Variants in CCDC102B observed in about 807,000 individuals in gnomAD.
CCDC102B encodes the protein coiled-coil domain-containing protein 102B.
In CCDC102B, 75 loss-of-function variants were observed where a neutral mutation model predicts 57.4. The ratio of observed to expected loss-of-function variants is 1.31; its 90% CI spans 1.08 to 1.58. The LOEUF (loss-of-function observed/expected upper bound fraction) is 1.58, where lower values mean the gene tolerates loss of function less well. Ranked by LOEUF, CCDC102B falls within the 40% of genes most tolerant of loss-of-function variation. CCDC102B has a pLI of 0.00. For synonymous variants in CCDC102B, 206 were observed against 201.9 expected, an observed-to-expected ratio of 1.02 and a Z score of -0.17; for missense variants, 636 against 582.6, an observed-to-expected ratio of 1.09 and a Z score of -0.94.
At chr18:68,853,934 G>A (rs2038261171) in intron 4 of CCDC102B, among the ~76,000 whole-genome samples, 1 of 152,086 alleles carries the variant, frequency 6.6e-6, no homozygotes, top group Non-Finnish European at 1.5e-5. Flanking sequence ...GACAAGAGAT[G>A]TGCCCTGAGA....
At chr18:68,977,237 G>A (rs2145279246) in intron 6 of CCDC102B, among the ~76,000 whole-genome samples, 1 of 152,020 alleles carries the variant, frequency 6.6e-6, no homozygotes, top group South Asian at 2.1e-4. Flanking sequence ...GGGTTAGCTT[G>A]TTTACACTTC....
chr18:68,802,130 T>A (rs2035877369), intron 1 of CCDC102B, among the ~76,000 whole-genome samples: 1 of 150,228 alleles, frequency 6.7e-6, no homozygotes, highest in South Asian at 2.1e-4. Flanking sequence ...TAGAAGGTTC[T>A]GGTTATAACC....
chr18:68,732,401 A>C (rs2145204974), intron 2 of CCDC102B, among the ~76,000 whole-genome samples: 1 of 150,842 alleles, frequency 6.6e-6, no homozygotes, highest in East Asian at 2.0e-4. Flanking sequence ...GCTGGAGTGC[A>C]GTGGCGTGAT....
intron 7 of CCDC102B, among the ~76,000 whole-genome samples, chr18:69,013,840 C>A (rs1454880026): frequency 1.3e-5 from 2 of 152,088 alleles, no homozygotes; most frequent in African/African-American, 4.8e-5. Context: ...GTTGTAAGAC[C>A]ACCTGATTTC....
In CCDC102B at chr18:68,799,873, G is replaced by GA. The variant is rs1452852063; in HGVS notation, c.-16+1697dup. The stretch of plus-strand genomic sequence containing the variant: ...ACGTTGTACTCAATACATAGAACAG[G>GA]AAAAATTGATAGAGCATCTTAACAT... On this transcript the variant is annotated intron_variant, in intron 1 of 7. Coordinates refer to ENST00000360242, the MANE Select transcript of CCDC102B (RefSeq NM_024781.3). Among the ~76,000 whole-genome samples the GA allele has an allele frequency of 2.0e-5, 3 of 151,970 alleles. 1 individual carries two copies. Among genetic ancestry groups the GA allele is most frequent in the Admixed American group, 2.0e-4 (3 of 15,266 alleles).
intron 2 of CCDC102B, among the ~76,000 whole-genome samples, chr18:68,780,099 TAA>T (rs2034956325): frequency 6.6e-6 from 1 of 152,158 alleles, no homozygotes; most frequent in Admixed American, 6.6e-5. Flanking sequence ...ACATTCTATA[TAA>T]ATGAATTATA....
At chr18:68,899,417 C>T (rs926305287) in intron 6 of CCDC102B, among the ~76,000 whole-genome samples, 1 of 151,062 alleles carries the variant, frequency 6.6e-6, no homozygotes, top group African/African-American at 2.4e-5. Flanking sequence ...TAGATGAATA[C>T]CATGGTGCTA....
chr18:68,994,943 A>G (rs553546118), intron 6 of CCDC102B, among the ~76,000 whole-genome samples: 1 of 152,322 alleles, frequency 6.6e-6, no homozygotes, highest in Non-Finnish European at 1.5e-5. Flanking sequence ...GGCTTAGAAG[A>G]AGACAGGAAA....
intron 4 of CCDC102B, among the ~76,000 whole-genome samples, chr18:68,856,184 C>T (rs903147794): frequency 6.6e-6 from 1 of 151,978 alleles, no homozygotes; most frequent in Non-Finnish European, 1.5e-5. Flanking sequence ...CAGTAATTAT[C>T]GTACAGCTTT....
At chr18:68,741,449 G>A (rs1454045397) in intron 2 of CCDC102B, among the ~76,000 whole-genome samples, 1 of 152,114 alleles carries the variant, frequency 6.6e-6, no homozygotes, top group African/African-American at 2.4e-5. Context: ...GTGCAATTCT[G>A]GGATAGCTGA....
At chr18:68,863,869 C>T (rs907439652) in intron 4 of CCDC102B, among the ~76,000 whole-genome samples, 7 of 151,816 alleles carry the variant, frequency 4.6e-5, no homozygotes, top group South Asian at 2.1e-4. Flanking sequence ...GTACAATTGA[C>T]GTATTAGTAA....
intron 6 of CCDC102B, among the ~76,000 whole-genome samples, chr18:68,925,512 T>C (rs1411810087): frequency 1.3e-5 from 2 of 151,992 alleles, no homozygotes; most frequent in Non-Finnish European, 2.9e-5. Flanking sequence ...GTCAGCAAAT[T>C]AGTTTTGCCT....
intron 1 of CCDC102B, among the ~76,000 whole-genome samples, chr18:68,823,115 C>T (rs1462427472): frequency 1.3e-5 from 2 of 152,172 alleles, no homozygotes; most frequent in East Asian, 1.9e-4. Context: ...GGCCAAGCCT[C>T]CACTTCAGCC....
intron 2 of CCDC102B, among the ~76,000 whole-genome samples, chr18:68,768,131 A>G (rs1381924217): frequency 3.9e-5 from 6 of 152,202 alleles, no homozygotes; most frequent in East Asian, 1.9e-4. Flanking sequence ...ATGGAAGTCT[A>G]TAGCAATTTA....
At chr18:68,959,676 AC>A (rs1265603517) in intron 6 of CCDC102B, among the ~76,000 whole-genome samples, 1 of 152,030 alleles carries the variant, frequency 6.6e-6, no homozygotes, top group East Asian at 1.9e-4. Context: ...CCTCTATTCT[AC>A]TGCAGCTGAG....
chr18:69,035,983 G>A (rs2052280715), intron 7 of CCDC102B, among the ~76,000 whole-genome samples: 1 of 152,020 alleles, frequency 6.6e-6, no homozygotes, highest in South Asian at 2.1e-4. Context: ...GAGCAGATTG[G>A]CCAAAAACAC....
chr18:68,749,184 T>C (rs1365869578), intron 2 of CCDC102B, among the ~76,000 whole-genome samples: 1 of 152,190 alleles, frequency 6.6e-6, no homozygotes, highest in East Asian at 1.9e-4. Context: ...TGTAGCCTTG[T>C]AGTATAGTTT....
At chr18:68,742,712 G>A (rs1234755853) in intron 2 of CCDC102B, among the ~76,000 whole-genome samples, 1 of 152,150 alleles carries the variant, frequency 6.6e-6, no homozygotes, top group Non-Finnish European at 1.5e-5. Flanking sequence ...TTTCTGCTAT[G>A]ATTTTTGCCA....
At chr18:68,800,774 T>G (rs2035819807) in intron 1 of CCDC102B, among the ~76,000 whole-genome samples, 1 of 152,170 alleles carries the variant, frequency 6.6e-6, no homozygotes, top group African/African-American at 2.4e-5. Flanking sequence ...TGTATAAGTT[T>G]CATTTCAATA....
Sources: gnomAD v4.1 joint callset for allele counts (sites outside exome capture counted in the v4.1 genomes callset) on GRCh38, gnomAD v4.1.1 for gene constraint, MANE v1.5 for transcripts, NCBI Gene and HGNC (gene_info 2026-07-23, HGNC 2026-07-21) for gene names.